AUTS2: variants seen among roughly 807,000 people sequenced by gnomAD.
AUTS2 encodes the protein activator of transcription and developmental regulator AUTS2.
In AUTS2, 17 loss-of-function variants were observed where a neutral mutation model predicts 112.4. The observed-to-expected ratio is 0.15, with a 90% CI of 0.10 to 0.23. AUTS2 has a LOEUF of 0.23. Among genes scored for constraint, AUTS2 ranks in the 10% least tolerant of loss-of-function variants. The probability of loss-of-function intolerance (pLI) is 1.00; values close to 1 mark genes in which losing one functional copy is unlikely to be tolerated. For synonymous variants in AUTS2, 751 were observed against 702.7 expected (o/e 1.07, Z -1.09); for missense variants, 1,510 against 1,701.6 (o/e 0.89, Z 1.98).
intron 5 of AUTS2, among the ~76,000 whole-genome samples, chr7:70,648,239 G>GC (rs915994604): frequency 2.9e-4 from 44 of 152,186 alleles, no homozygotes; most frequent in African/African-American, 9.4e-4. Context: ...ATAGTACTCC[G>GC]CCCCCCTCCA....
chr7:70,339,167 C>CTCA (rs1321828213), intron 4 of AUTS2, among the ~76,000 whole-genome samples: 1 of 151,960 alleles, frequency 6.6e-6, no homozygotes, highest in Non-Finnish European at 1.5e-5. Context: ...CCGGCCTGGC[C>CTCA]TCATCTCTTT....
chr7:70,335,652 T>C (rs1381769518), intron 4 of AUTS2, among the ~76,000 whole-genome samples: 1 of 152,188 alleles, frequency 6.6e-6, no homozygotes, highest in African/African-American at 2.4e-5. Flanking sequence ...GAGGTGACAG[T>C]GAGGCGTCTC....
intron 4 of AUTS2, among the ~76,000 whole-genome samples, chr7:70,234,264 G>T (rs947478641): frequency 6.6e-6 from 1 of 152,108 alleles, no homozygotes; most frequent in African/African-American, 2.4e-5. Flanking sequence ...ATGGGATAAA[G>T]CATATGCCAA....
intron 6 of AUTS2, among the ~76,000 whole-genome samples, chr7:70,713,995 A>G (rs1446107760): frequency 6.6e-6 from 1 of 152,098 alleles, no homozygotes; most frequent in East Asian, 1.9e-4. Flanking sequence ...TCAAGTAACC[A>G]GGTGATACTG....
intron 5 of AUTS2, among the ~76,000 whole-genome samples, chr7:70,447,506 A>T (rs1020069870): frequency 1.3e-5 from 2 of 152,214 alleles, no homozygotes; most frequent in Non-Finnish European, 2.9e-5. Context: ...GTAGGTGCTA[A>T]TATTATCCCC....
intron 5 of AUTS2, among the ~76,000 whole-genome samples, chr7:70,597,358 C>T (rs1254017559): frequency 6.6e-6 from 1 of 152,194 alleles, no homozygotes; most frequent in African/African-American, 2.4e-5. Flanking sequence ...TGCTCTCTGT[C>T]GCTGTGTTTT....
At chr7:69,840,097 T>C (rs912086297) in intron 1 of AUTS2, among the ~76,000 whole-genome samples, 6 of 152,240 alleles carry the variant, frequency 3.9e-5, no homozygotes, top group South Asian at 2.1e-4. Context: ...ACTAACTTTT[T>C]CCCCCTCTAT....
Position 69,936,342 on chromosome 7 carries a change from TTTTTGTTTTG to T in AUTS2, c.522+36859_522+36868del, listed in dbSNP as rs906251052. ...TCTGCCCATTGGGACCTACAGATTT[TTTTTGTTTTG>T]TTTTGTTTTGTTTTTGAGACAGAGT... is the stretch of plus-strand genomic sequence containing the variant. On this transcript the variant is annotated intron_variant, in intron 2 of 18. Transcript: ENST00000342771. 2.0e-5 allele frequency among the ~76,000 whole-genome samples: 3 copies of T among 152,172 alleles called. No individual in the cohort carries two copies. The South Asian group carries it at 6.2e-4, about 32-fold the overall frequency.
intron 5 of AUTS2, among the ~76,000 whole-genome samples, chr7:70,649,125 C>T (rs1806339303): frequency 6.6e-6 from 1 of 151,810 alleles, no homozygotes; most frequent in Non-Finnish European, 1.5e-5. Flanking sequence ...GATATGGTGG[C>T]TCATGCCTGT....
chr7:69,978,665 C>A (rs997096350), intron 2 of AUTS2, among the ~76,000 whole-genome samples: 1 of 151,874 alleles, frequency 6.6e-6, no homozygotes, highest in Non-Finnish European at 1.5e-5. Context: ...ATGGTGAAAC[C>A]CTGTCTTTAT....
At chr7:69,797,029 A>C (rs1789874791) in intron 1 of AUTS2, among the ~76,000 whole-genome samples, 1 of 152,122 alleles carries the variant, frequency 6.6e-6, no homozygotes, top group Non-Finnish European at 1.5e-5. Context: ...CGTAAGTGTA[A>C]AGGGCCTAGT....
In AUTS2 at chr7:70,003,389, CAT is replaced by C. The variant is rs1428302443; in HGVS notation, c.522+103894_522+103895del. Among the ~76,000 whole-genome samples, 22 of 104,052 alleles carry C rather than the reference CAT, an allele frequency of 2.1e-4. No individual in the cohort carries two copies. The East Asian group carries it at 2.4e-3, about 12-fold the overall frequency. The allele number at this position is 104,052 out of a possible 152,430, so 68.3% of individuals were successfully genotyped here. A position where few individuals can be genotyped will look rare whatever the true frequency, so the allele number is the denominator to read the frequency against. ...ATATTATATATGTGAATATATATAA[CAT>C]ATGAATATATATAATATATATGAAT... On this transcript the variant is annotated intron_variant, in intron 2 of 18. Coordinates refer to ENST00000342771, the MANE Select transcript of AUTS2 (RefSeq NM_015570.4).
At chr7:69,914,406 A>C (rs1349113248) in intron 2 of AUTS2, among the ~76,000 whole-genome samples, 1 of 146,656 alleles carries the variant, frequency 6.8e-6, no homozygotes, top group East Asian at 2.0e-4. Flanking sequence ...AACAATCCAG[A>C]CCCCAATACA....
At chr7:69,855,109 G>C (rs2129530433) in intron 1 of AUTS2, among the ~76,000 whole-genome samples, 1 of 152,308 alleles carries the variant, frequency 6.6e-6, no homozygotes, top group Admixed American at 6.5e-5. Flanking sequence ...TACGCTGAAT[G>C]CTGGGAAAAG....
intron 4 of AUTS2, chr7:70,290,666 C>T: frequency 1.5e-6 from 2 of 1,354,200 alleles, no homozygotes; most frequent in Non-Finnish European, 1.9e-6. Context: ...TCTCTTTTCT[C>T]CATTCCTCAT....
rs1796515695 is a variant in AUTS2, at chr7:70,451,224, A to T, written c.690+15443A>T. On this transcript the variant is annotated intron_variant, in intron 5 of 18. Transcript: ENST00000342771. ...AATACTGGGGACTAGTAGAGAGGGA[A>T]GGTAGGGAGGAAGGCAAGAGTTGAA... Among the ~76,000 whole-genome samples the T allele has an allele frequency of 2.6e-5, 4 of 152,132 alleles. No individual in the cohort carries two copies. In the South Asian group the frequency reaches 8.3e-4, roughly 32 times the overall value.
chr7:70,109,014 C>G (rs148311463), intron 2 of AUTS2, among the ~76,000 whole-genome samples: 1 of 152,048 alleles, frequency 6.6e-6, no homozygotes, highest in Non-Finnish European at 1.5e-5. Flanking sequence ...ACTCATCTTA[C>G]ATATTTCCTT....
chr7:70,037,123 A>C (rs1237505562), intron 2 of AUTS2, among the ~76,000 whole-genome samples: 1 of 152,232 alleles, frequency 6.6e-6, no homozygotes, highest in Admixed American at 6.5e-5. Flanking sequence ...ACATTATGCT[A>C]AGTAAAATAA....
chr7:70,784,773 ACAC>A (rs1791331836), intron 15 of AUTS2, 166 bp from the exon 16 acceptor site: 18 of 139,880 alleles, frequency 1.3e-4, no homozygotes, highest in South Asian at 5.5e-4. Flanking sequence ...AAAAAAAAAA[ACAC>A]ACATTTTCTT....
Sources: allele counts gnomAD v4.1 joint callset (sites outside exome capture counted in the v4.1 genomes callset), GRCh38; gene constraint gnomAD v4.1.1; transcripts MANE v1.5; gene names NCBI Gene and HGNC (gene_info 2026-07-23, HGNC 2026-07-21).